Variants in GNA14 observed in about 807,000 individuals in gnomAD.
GNA14 encodes the protein G protein subunit alpha 14.
In GNA14, 50 loss-of-function variants were observed where a neutral mutation model predicts 42.0. That is an observed-to-expected ratio of 1.19 (90% CI 0.95 to 1.51). The LOEUF is 1.51. Among genes scored for constraint, GNA14 ranks in the 40% most tolerant of loss-of-function variants. GNA14 has a pLI of 0.00. For missense variants in GNA14, 473 were observed against 446.2 expected (o/e 1.06, Z -0.54); for synonymous variants, 173 against 163.1 (o/e 1.06, Z -0.46).
intron 2 of GNA14, among the ~76,000 whole-genome samples, chr9:77,506,059 T>G (rs1179797042): frequency 1.4e-5 from 2 of 147,786 alleles, no homozygotes; most frequent in Non-Finnish European, 3.0e-5. Context: ...AGGCCAGGAG[T>G]TCAAGATTAG....
intron 2 of GNA14, among the ~76,000 whole-genome samples, chr9:77,487,913 G>C (rs1261831386): frequency 1.3e-5 from 2 of 152,102 alleles, no homozygotes; most frequent in East Asian, 3.9e-4. Context: ...ACAACAATGT[G>C]CCAAACATAC....
At chr9:77,464,810 T>C (rs1836192881) in intron 2 of GNA14, among the ~76,000 whole-genome samples, 1 of 152,190 alleles carries the variant, frequency 6.6e-6, no homozygotes, top group Non-Finnish European at 1.5e-5. Flanking sequence ...TCAGATGTAA[T>C]CAAGTTAAGA....
chr9:77,530,644 T>C (rs535463433), intron 1 of GNA14, among the ~76,000 whole-genome samples: 52 of 152,224 alleles, frequency 3.4e-4, no homozygotes, highest in Non-Finnish European at 5.7e-4. Flanking sequence ...TGAACTACAA[T>C]GACCAACTCA....
At chr9:77,646,213 C>T (rs907014933) in intron 1 of GNA14, among the ~76,000 whole-genome samples, 1 of 152,222 alleles carries the variant, frequency 6.6e-6, no homozygotes, top group African/African-American at 2.4e-5. Flanking sequence ...ACCCAGCCCA[C>T]ATTTCCAAGC....
At chr9:77,437,681 T>C (rs921938746) in intron 2 of GNA14, among the ~76,000 whole-genome samples, 5 of 151,698 alleles carry the variant, frequency 3.3e-5, no homozygotes, top group African/African-American at 1.2e-4. Context: ...AAAGAGTCAG[T>C]GAGTAATGCA....
chr9:77,424,091 A>T lies in GNA14; in HGVS notation c.956T>A (p.Val319Asp), dbSNP rs1326404379. 1 of 1,612,346 alleles carries T rather than the reference A, an allele frequency of 6.2e-7. No homozygotes were observed. The highest frequency in any genetic ancestry group is 8.5e-7 in the Non-Finnish European group (1 of 1,178,730). ...YQDQNPDKEK[V>D]IYSHFTCATD... is the part of the protein sequence containing the mutation. ...AGCACATGTGAAGTGAGAGTAGATGACTTTCTCTTTGTCAGGATTCTGATC... is the reference window on the plus strand; with the variant it reads ...AGCACATGTGAAGTGAGAGTAGATGTCTTTCTCTTTGTCAGGATTCTGATC... Residue 319 changes from valine (V) to aspartate (D), a missense_variant, in exon 7 of 7, where the codon GTC (valine) becomes GAC (aspartate). Val to Asp is a radical substitution (Grantham distance 152, BLOSUM62 -3). Transcript: ENST00000341700.
intron 1 of GNA14, among the ~76,000 whole-genome samples, chr9:77,540,322 GTGGTC>G (rs1421858642): frequency 6.6e-6 from 1 of 151,946 alleles, no homozygotes; most frequent in Non-Finnish European, 1.5e-5. Flanking sequence ...TTATTCCATT[GTGGTC>G]TGAGAAAATA....
rs573330504 is a variant in GNA14 at position 77,552,767 on chromosome 9, T to C, written c.125-23514A>G. Among the ~76,000 whole-genome samples, 13 of 152,336 alleles carry C rather than the reference T, an allele frequency of 8.5e-5. 1 individual carries two copies. The South Asian group carries it at 2.7e-3, about 32-fold the overall frequency. ...TTATTTCACCTTAGTTTCTTTTTAA[T>C]GCCCAAGCATTTTTGGGTTCTTATA... On this transcript the variant is annotated intron_variant, in intron 1 of 6. Coordinates refer to ENST00000341700, the MANE Select transcript of GNA14 (RefSeq NM_004297.4).
intron 1 of GNA14, among the ~76,000 whole-genome samples, chr9:77,627,750 A>G (rs987451697): frequency 1.3e-5 from 2 of 152,212 alleles, no homozygotes; most frequent in Non-Finnish European, 2.9e-5. Flanking sequence ...TCTCAAAATA[A>G]TAAGAGCTAT....
At chr9:77,529,767 G>T (rs1189907931) in intron 1 of GNA14, among the ~76,000 whole-genome samples, 1 of 152,082 alleles carries the variant, frequency 6.6e-6, no homozygotes, top group Non-Finnish European at 1.5e-5. Context: ...AGTTCAGGAG[G>T]TCCTCAAAAC....
chr9:77,588,877 T>C (rs1277116025), intron 1 of GNA14, among the ~76,000 whole-genome samples: 1 of 152,070 alleles, frequency 6.6e-6, no homozygotes, highest in African/African-American at 2.4e-5. Context: ...TCGCAGAAAA[T>C]TCTTCAAAAG....
Position 77,539,994 on chromosome 9 carries a change from T to C in GNA14, c.125-10741A>G, listed in dbSNP as rs535321863. Among the ~76,000 whole-genome samples the C allele has an allele frequency of 5.9e-5, 9 of 152,282 alleles. No homozygotes were observed. The South Asian group carries it at 1.7e-3, about 28-fold the overall frequency. ...TTTTAGTCTCTGCTTCATTTAGTTT[T>C]GCTCTGATCTTTATTATTTCTTTCC... is the stretch of plus-strand genomic sequence containing the variant. On this transcript the variant is annotated intron_variant, in intron 1 of 6. Coordinates refer to ENST00000341700, the MANE Select transcript of GNA14 (RefSeq NM_004297.4).
intron 2 of GNA14, among the ~76,000 whole-genome samples, chr9:77,484,734 G>C (rs1271240899): frequency 6.6e-6 from 1 of 152,080 alleles, no homozygotes; most frequent in Non-Finnish European, 1.5e-5. Context: ...GAGACATTAT[G>C]AATTTGGTTC....
intron 2 of GNA14, among the ~76,000 whole-genome samples, chr9:77,490,450 G>C (rs1836749668): frequency 6.6e-6 from 1 of 152,258 alleles, no homozygotes; most frequent in Non-Finnish European, 1.5e-5. Flanking sequence ...ATTCGTCGGG[G>C]AGGCTCAGGC....
intron 1 of GNA14, among the ~76,000 whole-genome samples, chr9:77,583,592 A>G (rs937399138): frequency 4.6e-5 from 7 of 152,120 alleles, no homozygotes; most frequent in African/African-American, 1.7e-4. Context: ...TGTGTGAGAG[A>G]CACTGAACAG....
At chr9:77,481,547 T>C (rs193049246) in intron 2 of GNA14, among the ~76,000 whole-genome samples, 34 of 152,342 alleles carry the variant, frequency 2.2e-4, no homozygotes, top group African/African-American at 7.7e-4. Flanking sequence ...TGGAGAGTTC[T>C]GTAGATGTCT....
chr9:77,510,888 G>C (rs967371709), intron 2 of GNA14, among the ~76,000 whole-genome samples: 1 of 152,084 alleles, frequency 6.6e-6, no homozygotes, highest in Non-Finnish European at 1.5e-5. Context: ...ATGAGTCTAA[G>C]ATGATTTGAT....
chr9:77,493,298 G>C (rs1171338612), intron 2 of GNA14, among the ~76,000 whole-genome samples: 1 of 151,724 alleles, frequency 6.6e-6, no homozygotes, highest in Non-Finnish European at 1.5e-5. Flanking sequence ...ATTTGGATAC[G>C]GGCATTTAGT....
At chr9:77,526,201 T>C (rs953359062) in intron 2 of GNA14, among the ~76,000 whole-genome samples, 2 of 151,692 alleles carry the variant, frequency 1.3e-5, no homozygotes, top group African/African-American at 2.4e-5. Context: ...CACAACCCAC[T>C]GTGCCTGGCC....
Sources: allele counts gnomAD v4.1 joint callset (sites outside exome capture counted in the v4.1 genomes callset), GRCh38; gene constraint gnomAD v4.1.1; transcripts MANE v1.5; gene names NCBI Gene and HGNC (gene_info 2026-07-23, HGNC 2026-07-21).